Variants in THADA observed in about 807,000 individuals in gnomAD.
The protein encoded by THADA is THADA armadillo repeat containing, also known as tRNA (32-2'-O)-methyltransferase regulator THADA.
In THADA, 213 loss-of-function variants were observed where a neutral mutation model predicts 219.8. That is an observed-to-expected ratio of 0.97 (90% confidence interval 0.87 to 1.09). The LOEUF is 1.09. Ranked by LOEUF, THADA falls within the 50% of genes least tolerant of loss-of-function variation. The probability of loss-of-function intolerance (pLI) is 0.00; values close to 1 mark genes in which losing one functional copy is unlikely to be tolerated. For missense variants in THADA, 2,956 were observed against 2,311.3 expected (o/e 1.28, Z -5.72); for synonymous variants, 1,018 against 828.9 (o/e 1.23, Z -3.92).
At chr2:43,377,592 T>C (rs1472781121) in intron 29 of THADA, among the ~76,000 whole-genome samples, 1 of 152,134 alleles carries the variant, frequency 6.6e-6, no homozygotes, top group African/African-American at 2.4e-5. Flanking sequence ...GAAAGCTCCA[T>C]CATCTGATCG....
chr2:43,547,274 G>A (rs1187981247), intron 20 of THADA, among the ~76,000 whole-genome samples: 5 of 152,172 alleles, frequency 3.3e-5, no homozygotes, highest in African/African-American at 7.2e-5. Context: ...TGGGTAACCC[G>A]ACCTTTCTCT....
chr2:43,470,484 C>T (rs1684783173), intron 26 of THADA, among the ~76,000 whole-genome samples: 1 of 151,984 alleles, frequency 6.6e-6, no homozygotes, highest in South Asian at 2.1e-4. Flanking sequence ...TACTTAAGCA[C>T]CTCTTAGAAG....
chr2:43,577,099 C>T lies in THADA; in HGVS notation c.960G>A (p.Trp320Ter). The change falls in exon 10 of 38, where the codon TGG becomes TGA. Residue 320 changes from tryptophan (W) to a stop codon, truncating the protein, a stop_gained. Transcript: ENST00000405975. LOFTEE classifies it high-confidence loss of function. ...CACTCCGACCCATGCTTCCGTTCTG[C>T]CAGTCCAACATGGCAAGTGTCCCCT... Reference protein sequence around the residue: ...LCQGTLAMLDWQNGSMGRSGE... With the variant: ...LCQGTLAMLD 1 of 1,613,180 alleles carries T rather than the reference C, an allele frequency of 6.2e-7. No homozygotes were observed. Among genetic ancestry groups the T allele is most frequent in the Non-Finnish European group, 8.5e-7 (1 of 1,179,584 alleles).
At chr2:43,377,997 T>C (rs931680822) in intron 29 of THADA, among the ~76,000 whole-genome samples, 1 of 152,352 alleles carries the variant, frequency 6.6e-6, no homozygotes, top group South Asian at 2.1e-4. Context: ...TGGGTTTGTA[T>C]AGTATTTTCA....
chr2:43,490,236 T>C (rs903774865), intron 25 of THADA, among the ~76,000 whole-genome samples: 1 of 152,214 alleles, frequency 6.6e-6, no homozygotes, highest in African/African-American at 2.4e-5. Flanking sequence ...TTTGCATGTG[T>C]GTGGATTCCT....
chr2:43,412,076 A>G (rs1235857012), intron 28 of THADA, among the ~76,000 whole-genome samples: 1 of 152,168 alleles, frequency 6.6e-6, no homozygotes, highest in Non-Finnish European at 1.5e-5. Flanking sequence ...TGATCAGATG[A>G]TATTTTATGT....
intron 36 of THADA, among the ~76,000 whole-genome samples, chr2:43,239,805 G>C (rs746200591): frequency 2.0e-5 from 3 of 152,180 alleles, no homozygotes; most frequent in Non-Finnish European, 4.4e-5. Context: ...AGCTTTAGGG[G>C]ACTGGCCAAG....
intron 14 of THADA, among the ~76,000 whole-genome samples, chr2:43,568,498 T>A (rs1698935070): frequency 6.6e-6 from 1 of 152,144 alleles, no homozygotes; most frequent in Non-Finnish European, 1.5e-5. Flanking sequence ...TGAGACTGAC[T>A]CAGATTAAGA....
chr2:43,480,839 GA>G (rs935663260), intron 26 of THADA, among the ~76,000 whole-genome samples: 6 of 146,592 alleles, frequency 4.1e-5, no homozygotes, highest in East Asian at 4.0e-4. Context: ...AAAAAAAAAA[GA>G]AAAAAAAATT....
At chr2:43,251,249 A>G (rs1405596095) in intron 36 of THADA, among the ~76,000 whole-genome samples, 1 of 152,166 alleles carries the variant, frequency 6.6e-6, no homozygotes, top group East Asian at 1.9e-4. Context: ...GCAAAGAGAA[A>G]TCTCTTTACC....
At chr2:43,535,675 C>CA (rs1177702416) in intron 21 of THADA, among the ~76,000 whole-genome samples, 2,683 of 30,034 alleles carry the variant, frequency 0.089, 282 homozygotes, top group East Asian at 0.2. Context: ...CAGCGAGACT[C>CA]AAAAAAAAAA....
intron 21 of THADA, chr2:43,538,589 ATTAAAC>A (rs1218699720): frequency 1.3e-5 from 2 of 151,274 alleles, no homozygotes; most frequent in Non-Finnish European, 2.9e-5. Context: ...AATACAGAAA[ATTAAAC>A]TTAAAGAAAA....
At chr2:43,575,282 C>G (rs1337297221) in intron 10 of THADA, among the ~76,000 whole-genome samples, 2 of 152,108 alleles carry the variant, frequency 1.3e-5, no homozygotes, top group Non-Finnish European at 2.9e-5. Flanking sequence ...AACCCCATCT[C>G]TATAAAAAAT....
intron 14 of THADA, among the ~76,000 whole-genome samples, chr2:43,567,932 C>T (rs906028594): frequency 2.0e-5 from 3 of 152,146 alleles, no homozygotes; most frequent in African/African-American, 7.2e-5. Context: ...CTCCATTCCC[C>T]AAGGTATTTT....
chr2:43,471,887 G>C (rs1684947999), intron 26 of THADA, among the ~76,000 whole-genome samples: 1 of 152,126 alleles, frequency 6.6e-6, no homozygotes, highest in Non-Finnish European at 1.5e-5. Context: ...AGTTGCTAAT[G>C]CCTGCACTAA....
At chr2:43,576,489 T>A (rs186118501) in intron 10 of THADA, among the ~76,000 whole-genome samples, 4 of 152,204 alleles carry the variant, frequency 2.6e-5, no homozygotes, top group Non-Finnish European at 1.5e-5. Context: ...TTATCCTATA[T>A]AGTAGCCATT....
intron 29 of THADA, among the ~76,000 whole-genome samples, chr2:43,376,350 C>G (rs144488363): frequency 3.7e-4 from 57 of 152,314 alleles, no homozygotes; most frequent in African/African-American, 1.3e-3. Flanking sequence ...AAAATGGTCT[C>G]CATTTGGCTT....
intron 7 of THADA, 51 bp downstream of exon 7, chr2:43,586,350 T>A (rs1426877241): frequency 7.1e-7 from 1 of 1,405,840 alleles, no homozygotes; most frequent in Admixed American, 2.7e-5. Flanking sequence ...TGTACAAAGA[T>A]AATGTACAAC....
intron 36 of THADA, among the ~76,000 whole-genome samples, chr2:43,237,485 C>A (rs1668166460): frequency 6.7e-6 from 1 of 149,706 alleles, no homozygotes; most frequent in Non-Finnish European, 1.5e-5. Context: ...GCAACCTCTG[C>A]TGCCCAGGTT....
Sources: gnomAD v4.1 joint callset for allele counts (sites outside exome capture counted in the v4.1 genomes callset) on GRCh38, gnomAD v4.1.1 for gene constraint, MANE v1.5 for transcripts, NCBI Gene and HGNC (gene_info 2026-07-23, HGNC 2026-07-21) for gene names.